ACOXL: variants seen among roughly 807,000 people sequenced by gnomAD.
The protein encoded by ACOXL is acyl-coenzyme A oxidase-like protein.
ACOXL carries 70 observed loss-of-function variants against 71.9 expected under a neutral mutation model. That is an observed-to-expected ratio of 0.97 (90% CI 0.80 to 1.19). The LOEUF is 1.19. Among genes scored for constraint, ACOXL ranks in the 50% most tolerant of loss-of-function variants. The pLI is 0.00. For missense variants in ACOXL, 703 were observed against 736.3 expected (o/e 0.95, Z 0.52); for synonymous variants, 253 against 281.6 (o/e 0.90, Z 1.02).
intron 14 of ACOXL, among the ~76,000 whole-genome samples, chr2:110,997,036 T>C (rs1453354516): frequency 6.6e-6 from 1 of 152,192 alleles, no homozygotes. Context: ...TCACTCCACA[T>C]ATCCTCCACA....
intron 1 of ACOXL, among the ~76,000 whole-genome samples, chr2:110,753,561 C>T (rs775486974): frequency 8.5e-5 from 13 of 152,170 alleles, no homozygotes; most frequent in Non-Finnish European, 1.8e-4. Flanking sequence ...GCAGTATGTT[C>T]CTTTTTATTG....
At chr2:110,866,810 GAGCATAAACGA>G (rs1178903241) in intron 10 of ACOXL, among the ~76,000 whole-genome samples, 2 of 152,138 alleles carry the variant, frequency 1.3e-5, no homozygotes, top group Admixed American at 1.3e-4. Context: ...CTGACTCACT[GAGCATAAACGA>G]TGCCCCAAGC....
At chr2:111,037,261 TCA>T (rs2149776817) in intron 15 of ACOXL, among the ~76,000 whole-genome samples, 1 of 152,306 alleles carries the variant, frequency 6.6e-6, no homozygotes, top group African/African-American at 2.4e-5. Flanking sequence ...AGAAGTGCTG[TCA>T]CACCCCTGAA....
chr2:110,889,715 A>G (rs1415626095), intron 10 of ACOXL, among the ~76,000 whole-genome samples: 1 of 152,192 alleles, frequency 6.6e-6, no homozygotes, highest in Non-Finnish European at 1.5e-5. Flanking sequence ...TTGTATACCT[A>G]TACCACATTT....
At chr2:110,775,989 C>T (rs745559311) in intron 2 of ACOXL, among the ~76,000 whole-genome samples, 24 of 152,100 alleles carry the variant, frequency 1.6e-4, no homozygotes, top group Non-Finnish European at 3.1e-4. Context: ...TTCCCAATAG[C>T]CAAAAGGTAG....
At chr2:110,840,756 C>T (rs566617461) in intron 9 of ACOXL, among the ~76,000 whole-genome samples, 3 of 152,318 alleles carry the variant, frequency 2.0e-5, no homozygotes, top group African/African-American at 7.2e-5. Flanking sequence ...TTGCATGCAC[C>T]ATATCTTGAT....
At chr2:111,110,874 C>T (rs2069896656) in intron 17 of ACOXL, among the ~76,000 whole-genome samples, 2 of 152,170 alleles carry the variant, frequency 1.3e-5, no homozygotes, top group Admixed American at 1.3e-4. Context: ...AGTTGATTTT[C>T]AGATCATTTG....
intron 11 of ACOXL, among the ~76,000 whole-genome samples, chr2:110,931,529 A>G (rs979348687): frequency 1.3e-5 from 2 of 152,162 alleles, no homozygotes; most frequent in Non-Finnish European, 2.9e-5. Flanking sequence ...ACTGACAGGA[A>G]CATTATCTAT....
intron 10 of ACOXL, among the ~76,000 whole-genome samples, chr2:110,881,736 A>G (rs540960156): frequency 1.3e-5 from 2 of 152,316 alleles, no homozygotes; most frequent in South Asian, 4.1e-4. Context: ...AATACAGTAT[A>G]TACTCATTTC....
intron 10 of ACOXL, among the ~76,000 whole-genome samples, chr2:110,852,751 C>G (rs954244504): frequency 6.6e-6 from 1 of 151,818 alleles, no homozygotes; most frequent in Non-Finnish European, 1.5e-5. Context: ...TTTTCTTTTT[C>G]CTGAGGTGGT....
intron 1 of ACOXL, among the ~76,000 whole-genome samples, chr2:110,754,907 C>G (rs993061642): frequency 1.3e-5 from 2 of 152,162 alleles, no homozygotes; most frequent in Non-Finnish European, 2.9e-5. Flanking sequence ...AACTGTCAAA[C>G]TTTTCTAGAG....
intron 1 of ACOXL, among the ~76,000 whole-genome samples, chr2:110,749,677 G>A (rs1425168207): frequency 6.6e-6 from 1 of 152,208 alleles, no homozygotes; most frequent in African/African-American, 2.4e-5. Flanking sequence ...GCAGTGAGCC[G>A]AGATCGCGCC....
chr2:111,093,484 C>T, intron 17 of ACOXL: 1 of 1,614,030 alleles, frequency 6.2e-7, no homozygotes, highest in East Asian at 2.2e-5. Context: ...ATCCTTTCTG[C>T]AGGAGAGATG....
At chr2:110,821,413 A>G (rs899198993) in intron 9 of ACOXL, among the ~76,000 whole-genome samples, 5 of 152,152 alleles carry the variant, frequency 3.3e-5, no homozygotes, top group Admixed American at 2.6e-4. Context: ...CTGGACCCCT[A>G]TATGCAGCGG....
intron 16 of ACOXL, among the ~76,000 whole-genome samples, chr2:111,085,698 A>G (rs538059793): frequency 6.6e-6 from 1 of 152,266 alleles, no homozygotes; most frequent in South Asian, 2.1e-4. Flanking sequence ...CCAACCCCTA[A>G]GCTAGCAGAA....
In ACOXL at chr2:111,117,673, A is replaced by AACATTCCAC; in HGVS notation, c.1604_1612dup (p.Ile535_His537dup). 1 of 1,551,766 alleles carries AACATTCCAC rather than the reference A, an allele frequency of 6.4e-7. No homozygotes were observed. The highest frequency in any genetic ancestry group is 8.7e-7 in the Non-Finnish European group (1 of 1,146,996). ...TGCCCGGAGGGTGATCTCGACCTTT[A>AACATTCCAC]ACATTCCACACACCTACCTCCACGC... On this transcript the variant is annotated inframe_insertion, in exon 18 of 18. Coordinates refer to ENST00000439055, the MANE Select transcript of ACOXL (RefSeq NM_001142807.4).
chr2:111,032,293 G>A (rs116598285), intron 15 of ACOXL, among the ~76,000 whole-genome samples: 1,607 of 152,260 alleles, frequency 0.011, 33 homozygotes, highest in African/African-American at 0.036. Flanking sequence ...CCACTGGTGC[G>A]CAGTGGGTGG....
chr2:110,819,404 T>C (rs1688343389), intron 9 of ACOXL, among the ~76,000 whole-genome samples: 1 of 152,094 alleles, frequency 6.6e-6, no homozygotes, highest in Non-Finnish European at 1.5e-5. Flanking sequence ...GTGGGTTTGC[T>C]GAGGTGTCAG....
chr2:110,822,981 A>C (rs577403843), intron 9 of ACOXL, among the ~76,000 whole-genome samples: 30 of 152,226 alleles, frequency 2.0e-4, no homozygotes, highest in African/African-American at 6.0e-4. Context: ...GGCTGGGTGC[A>C]GTGGCTCACA....
Sources: allele counts gnomAD v4.1 joint callset (sites outside exome capture counted in the v4.1 genomes callset), GRCh38; gene constraint gnomAD v4.1.1; transcripts MANE v1.5; gene names NCBI Gene and HGNC (gene_info 2026-07-23, HGNC 2026-07-21).